The following TMEM19 variants were observed in gnomAD, a reference collection of about 807,000 sequenced individuals.
TMEM19 encodes the protein transmembrane protein 19.
TMEM19 carries 21 observed loss-of-function variants against 33.6 expected under a neutral mutation model. The ratio of observed to expected loss-of-function variants is 0.62; its 90% CI spans 0.44 to 0.90. The LOEUF (loss-of-function observed/expected upper bound fraction) is 0.90. Among genes scored for constraint, TMEM19 ranks in the 40% least tolerant of loss-of-function variants. The pLI, the probability that TMEM19 is intolerant of heterozygous loss-of-function variation, is 0.00. For synonymous variants in TMEM19, 149 were observed against 147.5 expected (o/e 1.01, Z -0.07); for missense variants, 402 against 401.8 (o/e 1.00, Z 0.00).
At chr12:71,689,797 G>T in intron 2 of TMEM19, 93 bp downstream of exon 2, 1 of 821,146 alleles carries the variant, frequency 1.2e-6, no homozygotes, top group South Asian at 1.8e-5. Flanking sequence ...ATATGAGACT[G>T]ACTACAAATC....
rs1881898840 is a variant in TMEM19 at position 71,697,632 on chromosome 12, A to G, written c.637+98A>G. 2.1e-6 allele frequency: 3 copies of G among 1,428,470 alleles called. No homozygotes were observed. The African/African-American group carries it at 4.5e-5, about 21-fold the overall frequency. The allele number at this position is 1,428,470 out of a possible 1,614,324, so 88.5% of individuals were successfully genotyped here. On this transcript the variant is annotated intron_variant, in intron 4 of 5. Coordinates refer to ENST00000266673, the MANE Select transcript of TMEM19 (RefSeq NM_018279.4). ...ACCAAAAAACCTCTTGATGTAATGT[A>G]TTTTAGAGCCTTTTAAGAACTTTAT...
intron 2 of TMEM19, among the ~76,000 whole-genome samples, chr12:71,694,347 G>C (rs1881835438): frequency 6.6e-6 from 1 of 152,192 alleles, no homozygotes. Flanking sequence ...GGTGCTCTGT[G>C]TGGTTTCACA....
At chr12:71,688,166 TA>T in intron 1 of TMEM19, among the ~76,000 whole-genome samples, 1 of 152,312 alleles carries the variant, frequency 6.6e-6, no homozygotes, top group South Asian at 2.1e-4. Flanking sequence ...AGACCTGTGG[TA>T]ATAGTTTTCA....
At position 71,703,282 on chromosome 12, in the gene TMEM19, A is replaced by C. The variant is rs1468835233; in HGVS notation, c.*2287A>C. 1 of 150,296 alleles carries C rather than the reference A, an allele frequency of 6.7e-6. No homozygotes were observed. The highest frequency in any genetic ancestry group is 1.5e-5 in the Non-Finnish European group (1 of 67,732). The allele number at this position is 150,296 out of a possible 1,614,324, so 9.3% of individuals were successfully genotyped here. On this transcript the variant is annotated 3_prime_UTR_variant, in exon 6 of 6. Coordinates refer to ENST00000266673, the MANE Select transcript of TMEM19 (RefSeq NM_018279.4). ...ATGTCCTAAAGCACTGTATCTAAGC[A>C]CTTGAAAAGAATGGGACTTTTCGGT...
In TMEM19 at chr12:71,689,389, C is replaced by A. The variant is rs2137591843; in HGVS notation, c.131-202C>A. ...TAAGTACAGTCTGACGTTTGCATAA[C>A]CATGAAATCACCTAAGGATGCATTT... is the stretch of plus-strand genomic sequence containing the variant. On this transcript the variant is annotated intron_variant, in intron 1 of 5. Coordinates refer to ENST00000266673, the MANE Select transcript of TMEM19 (RefSeq NM_018279.4). 2.0e-5 allele frequency among the ~76,000 whole-genome samples: 3 copies of A among 152,288 alleles called. No homozygotes were observed. The South Asian group carries it at 6.2e-4, about 32-fold the overall frequency.
intron 1 of TMEM19, among the ~76,000 whole-genome samples, chr12:71,689,095 C>T (rs1881740587): frequency 6.6e-6 from 1 of 152,158 alleles, no homozygotes; most frequent in East Asian, 1.9e-4. Flanking sequence ...GACTGTTTCT[C>T]CGAAAATATG....
intron 2 of TMEM19, among the ~76,000 whole-genome samples, chr12:71,696,227 C>T (rs1256015968): frequency 2.0e-5 from 3 of 151,958 alleles, no homozygotes; most frequent in African/African-American, 7.3e-5. Flanking sequence ...TATGGCATTG[C>T]TTGAAAGGAG....
At position 71,686,408 on chromosome 12, in the gene TMEM19, C is replaced by T. The variant is rs969429768; in HGVS notation, c.-273C>T. On this transcript the variant is annotated 5_prime_UTR_variant, in exon 1 of 6. Coordinates refer to ENST00000266673, the MANE Select transcript of TMEM19 (RefSeq NM_018279.4). ...TGGGCTCCGGCGTGAGGCGCTGAAG[C>T]GGCCGGCAGCCGGCGACCGGCCCTC... is the stretch of plus-strand genomic sequence containing the variant. The T allele has an allele frequency of 6.2e-6, 2 of 322,258 alleles. No individual in the cohort carries two copies. Among genetic ancestry groups the T allele is most frequent in the Non-Finnish European group, 1.1e-5 (2 of 175,988 alleles). The allele number at this position is 322,258 out of a possible 1,614,324, so 20.0% of individuals were successfully genotyped here.
At chr12:71,694,298 G>GC (rs1881834806) in intron 2 of TMEM19, among the ~76,000 whole-genome samples, 1 of 152,198 alleles carries the variant, frequency 6.6e-6, no homozygotes, top group Non-Finnish European at 1.5e-5. Context: ...TTGTGGAAGA[G>GC]CACAGCAAGA....
In TMEM19 at chr12:71,699,010, A is replaced by T. The variant is rs1881929896; in HGVS notation, c.748A>T (p.Ile250Phe). 3 of 1,613,894 alleles carry T rather than the reference A, an allele frequency of 1.9e-6. No homozygotes were observed. In the African/African-American group the frequency reaches 4.0e-5, roughly 22 times the overall value. The stretch of plus-strand genomic sequence containing the variant: ...GCTGATTTTTGTGAATGATTTAGAC[A>T]TTTCTGCCCCGCAGTGGCCAATTAT... Reference protein sequence around the residue: ...TQLIFVNDLDISAPQWPIIAF... With the variant: ...TQLIFVNDLDFSAPQWPIIAF... Residue 250 changes from isoleucine (I) to phenylalanine (F), a missense_variant, in exon 5 of 6, where the codon ATT (isoleucine) becomes TTT (phenylalanine). Physicochemically the swap from Ile to Phe is conservative, Grantham distance 21. Coordinates refer to ENST00000266673, the MANE Select transcript of TMEM19 (RefSeq NM_018279.4).
At position 71,686,245 on chromosome 12, in the gene TMEM19, C is replaced by G. The variant is rs1881683601; in HGVS notation, c.-436C>G. ...GTCGGGCGTGCTTCCCAGACTTGCC[C>G]AAGTTCGGGTGCCCTAGCTGCCCCT... On this transcript the variant is annotated 5_prime_UTR_variant, in exon 1 of 6. Coordinates refer to ENST00000266673, the MANE Select transcript of TMEM19 (RefSeq NM_018279.4). 6 of 217,858 alleles carry G rather than the reference C, an allele frequency of 2.8e-5. 1 individual carries two copies. The South Asian group carries it at 3.3e-4, about 12-fold the overall frequency. 13.5% of individuals were successfully genotyped at this position (217,858 alleles called of 1,614,324 possible).
At chr12:71,695,900 A>G (rs1881862526) in intron 2 of TMEM19, among the ~76,000 whole-genome samples, 1 of 152,148 alleles carries the variant, frequency 6.6e-6, no homozygotes, top group Non-Finnish European at 1.5e-5. Context: ...CTGTTTCTGT[A>G]CTCTCGATTA....
At position 71,704,113 on chromosome 12, in the gene TMEM19, T is replaced by C. The variant is rs1289634599; in HGVS notation, c.*3118T>C. 5 of 318,302 alleles carry C rather than the reference T, an allele frequency of 1.6e-5. No individual in the cohort carries two copies. The highest frequency in any genetic ancestry group is 4.3e-5 in the African/African-American group (2 of 46,486). The allele number at this position is 318,302 out of a possible 1,614,324, so 19.7% of individuals were successfully genotyped here. ...CATGATAGAAGAGAGCAGATATATG[T>C]GGCTTGGGGCAGCTCCTGAAGAAGA... On this transcript the variant is annotated 3_prime_UTR_variant, in exon 6 of 6. Coordinates refer to ENST00000266673, the MANE Select transcript of TMEM19 (RefSeq NM_018279.4).
chr12:71,700,923 G>T lies in TMEM19; in HGVS notation c.939G>T (p.Val313=). The part of the protein sequence containing the change: ...AGKPILDNNA[V]NLFSSVLIAL... ...AACCCATTCTTGATAACAACGCAGTGAATCTGTTTTCTTCTGTTCTTATTG... is the reference window on the plus strand; with the variant it reads ...AACCCATTCTTGATAACAACGCAGTTAATCTGTTTTCTTCTGTTCTTATTG... Residue 313 remains valine, a synonymous_variant, in exon 6 of 6, where the codon GTG becomes GTT. Transcript: ENST00000266673. The T allele has an allele frequency of 6.2e-7, 1 of 1,613,814 alleles. No homozygotes were observed. The highest frequency in any genetic ancestry group is 8.5e-7 in the Non-Finnish European group (1 of 1,179,878).
intron 3 of TMEM19, 70 bp downstream of exon 3, chr12:71,696,643 TTTTG>T: frequency 7.2e-7 from 1 of 1,381,824 alleles, no homozygotes; most frequent in South Asian, 1.5e-5. Flanking sequence ...TTTTTTTTGT[TTTTG>T]TTTTTGTTTT....
At chr12:71,693,998 G>A (rs1214002624) in intron 2 of TMEM19, among the ~76,000 whole-genome samples, 5 of 152,234 alleles carry the variant, frequency 3.3e-5, no homozygotes, top group East Asian at 1.9e-4. Context: ...TATTAGCAGC[G>A]TGACAGCAGA....
chr12:71,693,475 T>G (rs11178893), intron 2 of TMEM19, among the ~76,000 whole-genome samples: 15,009 of 152,162 alleles, frequency 0.099, 925 homozygotes, highest in African/African-American at 0.16. Context: ...TGCAAGTCAC[T>G]TAAACTCTCA....
chr12:71,701,083 G>C lies in TMEM19; in HGVS notation c.*88G>C. 1 of 1,351,298 alleles carries C rather than the reference G, an allele frequency of 7.4e-7. No individual in the cohort carries two copies. The highest frequency in any genetic ancestry group is 1.8e-5 in the South Asian group (1 of 56,178). 83.7% of individuals were successfully genotyped at this position (1,351,298 alleles called of 1,614,324 possible). A position where few individuals can be genotyped will look rare whatever the true frequency, so the allele number is the denominator to read the frequency against. ...CATCCTAAGAATAATAACTGTAATG[G>C]CAAAGCGGAAATGCCAGTTCCTCCT... On this transcript the variant is annotated 3_prime_UTR_variant, in exon 6 of 6. Coordinates refer to ENST00000266673, the MANE Select transcript of TMEM19 (RefSeq NM_018279.4).
At chr12:71,695,313 A>T (rs1881851639) in intron 2 of TMEM19, among the ~76,000 whole-genome samples, 1 of 152,214 alleles carries the variant, frequency 6.6e-6, no homozygotes, top group Non-Finnish European at 1.5e-5. Flanking sequence ...AGTAAAAAGG[A>T]TATAGATGCC....
Sources: gnomAD v4.1 joint callset for allele counts (sites outside exome capture counted in the v4.1 genomes callset) on GRCh38, gnomAD v4.1.1 for gene constraint, MANE v1.5 for transcripts, NCBI Gene and HGNC (gene_info 2026-07-23, HGNC 2026-07-21) for gene names.